Variants in CRBN observed in about 807,000 individuals in gnomAD.
CRBN encodes the protein cereblon, also known as protein cereblon.
In CRBN, 53 loss-of-function variants were observed where a neutral mutation model predicts 62.2. The ratio of observed to expected loss-of-function variants is 0.85; its 90% CI spans 0.68 to 1.07. The LOEUF is 1.07. Among genes scored for constraint, CRBN ranks in the 50% least tolerant of loss-of-function variants. CRBN has a pLI of 0.00. For missense variants in CRBN, 616 were observed against 531.1 expected, an observed-to-expected ratio of 1.16 and a Z score of -1.57; for synonymous variants, 208 against 176.1, an observed-to-expected ratio of 1.18 and a Z score of -1.43.
chr3:3,156,088 G>A, intron 6 of CRBN, 131 bp downstream of exon 6: 2 of 798,676 alleles, frequency 2.5e-6, no homozygotes, highest in Non-Finnish European at 4.2e-6. Flanking sequence ...ACAGGTGTGA[G>A]CCACCACTCT....
At position 3,161,462 on chromosome 3, in the gene CRBN, T is replaced by C. The variant is rs188121172; in HGVS notation, c.688-5181A>G. ...AATAAGTACAAACACCTTAAGTATT[T>C]TGAAAATAACTCGCCTCCCGGGTTC... is the stretch of plus-strand genomic sequence containing the variant. On this transcript the variant is annotated intron_variant, in intron 5 of 10. Coordinates refer to ENST00000231948, the MANE Select transcript of CRBN (RefSeq NM_016302.4). Among the ~76,000 whole-genome samples, 347 of 152,312 alleles carry C rather than the reference T, an allele frequency of 2.3e-3. 1 individual carries two copies. The highest frequency in any genetic ancestry group is 7.9e-3 in the African/African-American group (330 of 41,574).
At position 3,150,471 on chromosome 3, in the gene CRBN, A is replaced by T. The variant is rs1314814291; in HGVS notation, c.*394T>A. The T allele has an allele frequency of 4.7e-6, 1 of 211,446 alleles. No homozygotes were observed. The highest frequency in any genetic ancestry group is 5.4e-5 in the Admixed American group (1 of 18,688). 13.1% of individuals were successfully genotyped at this position (211,446 alleles called of 1,614,324 possible). A position where few individuals can be genotyped will look rare whatever the true frequency, so the allele number is the denominator to read the frequency against. Reference sequence around the variant, plus strand: ...CTGGTACAGATACGCTGTCCCATACATCAGGATCAAATTATTAGTTTCAGT... The same window carrying T: ...CTGGTACAGATACGCTGTCCCATACTTCAGGATCAAATTATTAGTTTCAGT... On this transcript the variant is annotated 3_prime_UTR_variant, in exon 11 of 11. Transcript: ENST00000231948.
intron 2 of CRBN, among the ~76,000 whole-genome samples, chr3:3,174,713 T>C (rs1559257818): frequency 6.6e-6 from 1 of 152,152 alleles, no homozygotes; most frequent in African/African-American, 2.4e-5. Context: ...GCATCCCATG[T>C]TAAAATATAA....
At chr3:3,175,572 G>A (rs759675349) in intron 1 of CRBN, among the ~76,000 whole-genome samples, 2 of 152,118 alleles carry the variant, frequency 1.3e-5, no homozygotes, top group Non-Finnish European at 2.9e-5. Context: ...TATTAGTATG[G>A]TACATTTGCC....
chr3:3,169,918 C>G (rs1202226505), intron 4 of CRBN, among the ~76,000 whole-genome samples: 1 of 151,888 alleles, frequency 6.6e-6, no homozygotes, highest in African/African-American at 2.4e-5. Context: ...TCTATGTGTT[C>G]AGAAGATGCC....
intron 10 of CRBN, 121 bp from the exon 11 acceptor site, chr3:3,151,166 A>G: frequency 9.3e-7 from 1 of 1,071,638 alleles, no homozygotes; most frequent in Non-Finnish European, 1.4e-6. Flanking sequence ...TTCTAAGTTG[A>G]GATTTGATCC....
chr3:3,175,444 A>AT (rs11332452), intron 1 of CRBN, among the ~76,000 whole-genome samples, 175 bp from the exon 2 acceptor site: 30 of 150,214 alleles, frequency 2.0e-4, no homozygotes, highest in African/African-American at 6.8e-4. Context: ...GTCAGTAGCT[A>AT]TTTTTTTTTT....
chr3:3,160,327 T>G (rs1212526515), intron 5 of CRBN, among the ~76,000 whole-genome samples: 1 of 152,238 alleles, frequency 6.6e-6, no homozygotes, highest in East Asian at 1.9e-4. Flanking sequence ...TCACTTATTG[T>G]GTTAAATCCT....
intron 1 of CRBN, among the ~76,000 whole-genome samples, chr3:3,176,016 C>T (rs889562618): frequency 1.3e-5 from 2 of 152,092 alleles, no homozygotes; most frequent in Admixed American, 6.5e-5. Context: ...CAGGTTTTTC[C>T]GCTGTAAAGT....
intron 5 of CRBN, chr3:3,156,556 A>C (rs942015999): frequency 4.3e-6 from 2 of 465,364 alleles, no homozygotes; most frequent in South Asian, 2.4e-5. Context: ...TGGGAAGATA[A>C]ATGTTGAGAG....
At chr3:3,152,415 T>C in intron 10 of CRBN, 41 bp downstream of exon 10, 1 of 1,582,296 alleles carries the variant, frequency 6.3e-7, no homozygotes, top group Non-Finnish European at 8.5e-7. Flanking sequence ...CCAATTAAGG[T>C]AAAAAAAGAA....
chr3:3,174,123 G>C lies in CRBN; in HGVS notation c.313C>G (p.Gln105Glu). The C allele has an allele frequency of 6.2e-7, 1 of 1,614,134 alleles. No individual in the cohort carries two copies. Among genetic ancestry groups the C allele is most frequent in the Non-Finnish European group, 8.5e-7 (1 of 1,179,994 alleles). ...AAATTCCGCACCATACTGACTTCTT[G>C]AGGGTGAAAAAGCTGAAGAGGTAAT... ...QTLPLQLFHPQEVSMVRNLIQ... is the reference protein window; with the variant it reads ...QTLPLQLFHPEEVSMVRNLIQ... The change falls in exon 3 of 11, where the codon CAA becomes GAA. Residue 105 changes from glutamine to glutamate, a missense_variant. By Grantham distance (29) the Gln-to-Glu change is conservative. Coordinates refer to ENST00000231948, the MANE Select transcript of CRBN (RefSeq NM_016302.4).
At chr3:3,166,936 A>T (rs1305466763) in intron 5 of CRBN, among the ~76,000 whole-genome samples, 3 of 102,808 alleles carry the variant, frequency 2.9e-5, no homozygotes, top group African/African-American at 8.8e-5. Flanking sequence ...TTTCCATATT[A>T]AAAAAAAAAA....
intron 4 of CRBN, among the ~76,000 whole-genome samples, chr3:3,168,294 TAG>T (rs368270352): frequency 5.3e-5 from 8 of 152,288 alleles, no homozygotes; most frequent in East Asian, 3.9e-4. Flanking sequence ...AAAATAACAC[TAG>T]AGAGTTACAT....
intron 4 of CRBN, among the ~76,000 whole-genome samples, chr3:3,170,383 CAAAT>C (rs1707556035): frequency 6.6e-6 from 1 of 152,094 alleles, no homozygotes; most frequent in Non-Finnish European, 1.5e-5. Flanking sequence ...CTAAGAAAAA[CAAAT>C]GAATATTAAA....
chr3:3,166,263 G>A (rs919692022), intron 5 of CRBN, among the ~76,000 whole-genome samples: 2 of 152,070 alleles, frequency 1.3e-5, no homozygotes, highest in African/African-American at 4.8e-5. Flanking sequence ...GAGATCTGAT[G>A]GTTTTAAAAA....
intron 5 of CRBN, among the ~76,000 whole-genome samples, chr3:3,163,741 T>C (rs1221421898): frequency 6.6e-6 from 1 of 152,180 alleles, no homozygotes; most frequent in African/African-American, 2.4e-5. Context: ...TTAAGCCATC[T>C]TGGTGCGGAA....
In CRBN at chr3:3,167,763, G is replaced by A. The variant is rs376378596; in HGVS notation, c.558C>T (p.Pro186=). The A allele has an allele frequency of 7.4e-6, 12 of 1,613,294 alleles. No individual in the cohort carries two copies. The highest frequency in any genetic ancestry group is 2.7e-5 in the African/African-American group (2 of 74,838). The change falls in exon 5 of 11, where the codon CCC becomes CCT. Residue 186 remains proline, a synonymous_variant. Coordinates refer to ENST00000231948, the MANE Select transcript of CRBN (RefSeq NM_016302.4). ...GIQQAKVQIL[P]ECVLPSTMSA... ...ACATGGTTGAAGGCAACACACATTC[G>A]GGAAGAATTTGCACTTTAGCTTGCT... is the stretch of plus-strand genomic sequence containing the variant.
At chr3:3,158,787 C>A (rs543552804) in intron 5 of CRBN, among the ~76,000 whole-genome samples, 13 of 152,332 alleles carry the variant, frequency 8.5e-5, no homozygotes, top group African/African-American at 3.1e-4. Context: ...TACAGGGAGT[C>A]TGACTCTAAC....
Sources: gnomAD v4.1 joint callset for allele counts (sites outside exome capture counted in the v4.1 genomes callset) on GRCh38, gnomAD v4.1.1 for gene constraint, MANE v1.5 for transcripts, NCBI Gene and HGNC (gene_info 2026-07-23, HGNC 2026-07-21) for gene names.